CEP104: variants seen among roughly 807,000 people sequenced by gnomAD.
CEP104 encodes the protein centrosomal protein 104.
Under a neutral mutation model 113.3 loss-of-function variants are expected in CEP104, and 84 were observed. The ratio of observed to expected loss-of-function variants is 0.74; its 90% CI spans 0.62 to 0.89. The LOEUF is 0.89. CEP104 is among the 40% of genes least tolerant of loss of function. The probability of loss-of-function intolerance (pLI) is 0.00; values close to 1 mark genes in which losing one functional copy is unlikely to be tolerated. For synonymous variants in CEP104, 378 were observed against 421.7 expected, an observed-to-expected ratio of 0.90 and a Z score of 1.27; for missense variants, 1,053 against 1,156.6, an observed-to-expected ratio of 0.91 and a Z score of 1.30.
At chr1:3,855,863 G>A (rs1432239587) in intron 1 of CEP104, 1 of 978,576 alleles carries the variant, frequency 1.0e-6, no homozygotes, top group Non-Finnish European at 1.2e-6. Flanking sequence ...TTATTGGCTG[G>A]TCTTCCTCAC....
chr1:3,829,080 C>T (rs1644148139), intron 15 of CEP104, among the ~76,000 whole-genome samples, 186 bp downstream of exon 15: 2 of 152,192 alleles, frequency 1.3e-5, no homozygotes, highest in Non-Finnish European at 2.9e-5. Context: ...GAGTATCTGC[C>T]ACCCAATTCC....
chr1:3,812,336 TAATAGA>T lies in CEP104; in HGVS notation c.*3060_*3065del, dbSNP rs1643810231. ...AATGGAATATCTTAACATATGAAAA[TAATAGA>T]AATAAATATTAAATATTCAGAACAT... On this transcript the variant is annotated 3_prime_UTR_variant, in exon 22 of 22. Transcript: ENST00000378230. 1 of 152,172 alleles carries T rather than the reference TAATAGA, an allele frequency of 6.6e-6. No homozygotes were observed. The highest frequency in any genetic ancestry group is 1.5e-5 in the Non-Finnish European group (1 of 68,040). 9.4% of individuals were successfully genotyped at this position (152,172 alleles called of 1,614,324 possible).
Position 3,840,210 on chromosome 1 carries a change from G to A in CEP104, c.567-434C>T, listed in dbSNP as rs11589098. The stretch of plus-strand genomic sequence containing the variant: ...GGGCCCAAGATGGAGTCCAGGCGCC[G>A]TATTTTATAACAACACAGTATTTTT... On this transcript the variant is annotated intron_variant, in intron 6 of 21. Transcript: ENST00000378230. 6.1e-3 allele frequency among the ~76,000 whole-genome samples: 930 copies of A among 152,206 alleles called. 3 individuals are homozygous for A. The highest frequency in any genetic ancestry group is 1.0e-2 in the Non-Finnish European group (677 of 67,996).
chr1:3,833,498 C>A (rs992313326), intron 12 of CEP104, among the ~76,000 whole-genome samples: 1 of 152,104 alleles, frequency 6.6e-6, no homozygotes, highest in Non-Finnish European at 1.5e-5. Context: ...TAATATCTAG[C>A]CTAGAGGAGG....
At chr1:3,832,394 G>A (rs1195721850) in intron 12 of CEP104, among the ~76,000 whole-genome samples, 1 of 106,998 alleles carries the variant, frequency 9.3e-6, no homozygotes, top group African/African-American at 3.2e-5. Context: ...AGCGTAGGTC[G>A]TGACCAGGAG....
rs911000992 is a variant in CEP104, at chr1:3,830,807, AT to A, written c.1836+238del. On this transcript the variant is annotated intron_variant, in intron 13 of 21. Coordinates refer to ENST00000378230, the MANE Select transcript of CEP104 (RefSeq NM_014704.4). The stretch of plus-strand genomic sequence containing the variant: ...AAAAAAAAAAAAAAGACAAAGAAAT[AT>A]TTTTTATGATTTGTTTCTCTCCACA... Among the ~76,000 whole-genome samples the A allele has an allele frequency of 2.0e-5, 3 of 150,006 alleles. No individual in the cohort carries two copies. The East Asian group carries it at 5.9e-4, about 29-fold the overall frequency.
chr1:3,842,302 G>A (rs886564148), intron 6 of CEP104, among the ~76,000 whole-genome samples: 2 of 152,068 alleles, frequency 1.3e-5, no homozygotes, highest in Non-Finnish European at 2.9e-5. Flanking sequence ...GGATGGTCTC[G>A]ATCTCCTGAC....
intron 1 of CEP104, chr1:3,855,842 T>C: frequency 7.5e-6 from 7 of 937,132 alleles, no homozygotes; most frequent in Non-Finnish European, 8.9e-6. Context: ...AAAGCTCTGT[T>C]GAACATCCAG....
At chr1:3,821,395 T>C (rs1643969873) in intron 20 of CEP104, among the ~76,000 whole-genome samples, 1 of 152,244 alleles carries the variant, frequency 6.6e-6, no homozygotes, top group African/African-American at 2.4e-5. Context: ...TGGAAGATGC[T>C]AGTGACCCAG....
chr1:3,823,665 G>C lies in CEP104; in HGVS notation c.2365-103C>G. On this transcript the variant is annotated intron_variant, in intron 18 of 21. Transcript: ENST00000378230. The surrounding 1 kb of genome is among the most constrained non-coding windows in gnomAD (Gnocchi z 4.1). ...GCGCCTCCCCTGCCCAGGGAGGTCT[G>C]TGCCGCCTGCACATGAAGTAAGCCA... 2.2e-6 allele frequency: 3 copies of C among 1,388,144 alleles called. No individual in the cohort carries two copies. In the South Asian group the frequency reaches 3.7e-5, roughly 17 times the overall value. The allele number at this position is 1,388,144 out of a possible 1,614,324, so 86.0% of individuals were successfully genotyped here. A position where few individuals can be genotyped will look rare whatever the true frequency, so the allele number is the denominator to read the frequency against.
intron 1 of CEP104, among the ~76,000 whole-genome samples, chr1:3,855,609 G>A (rs373588224): frequency 6.6e-6 from 1 of 152,238 alleles, no homozygotes; most frequent in South Asian, 2.1e-4. Context: ...TTAAGAACCA[G>A]CTAAGAGAAA....
At position 3,845,370 on chromosome 1, in the gene CEP104, A is replaced by G; in HGVS notation, c.427-19T>C. 1 of 1,521,918 alleles carries G rather than the reference A, an allele frequency of 6.6e-7. No homozygotes were observed. Among genetic ancestry groups the G allele is most frequent in the Non-Finnish European group, 9.1e-7 (1 of 1,101,646 alleles). The allele number at this position is 1,521,918 out of a possible 1,614,324, so 94.3% of individuals were successfully genotyped here. Reference sequence around the variant, plus strand: ...AAGCAACCTAAGAAAGTGTTAAAATAACAGAATTAAATATACAATGTTTGA... The same window carrying G: ...AAGCAACCTAAGAAAGTGTTAAAATGACAGAATTAAATATACAATGTTTGA... On this transcript the variant is annotated intron_variant, in intron 4 of 21. Transcript: ENST00000378230.
At position 3,829,796 on chromosome 1, in the gene CEP104, T is replaced by C. The variant is rs1644164116; in HGVS notation, c.2038A>G (p.Met680Val). The change falls in exon 14 of 22, where the codon ATG becomes GTG. Residue 680 changes from methionine to valine, a missense_variant. Physicochemically the swap from Met to Val is conservative, Grantham distance 21 (BLOSUM62 1). Coordinates refer to ENST00000378230, the MANE Select transcript of CEP104 (RefSeq NM_014704.4). ...KIDGRATDAE[M>V]RARRKAATEE... ...CTTCACCAAAGTTAACTCACCCTCA[T>C]CTCAGCATCTGTAGCTCTGCCATCT... 3.7e-6 allele frequency: 6 copies of C among 1,614,028 alleles called. No homozygotes were observed. In the East Asian group the frequency reaches 1.1e-4, roughly 30 times the overall value.
intron 15 of CEP104, among the ~76,000 whole-genome samples, chr1:3,828,121 G>A (rs1359186441): frequency 4.6e-5 from 7 of 152,178 alleles, no homozygotes; most frequent in Non-Finnish European, 8.8e-5. Context: ...TGGAGCCACT[G>A]CCACCAGGTC....
chr1:3,823,506 G>C lies in CEP104; in HGVS notation c.2421C>G (p.Asp807Glu). ...EHLLTECDKK[D>E]GFGKCYRCSE... ...TGCAACGGTAACACTTTCCAAACCC[G>C]TCTTTTTTGTCACATTCCGTCAGCA... is the stretch of plus-strand genomic sequence containing the variant. The change falls in exon 19 of 22, where the codon GAC becomes GAG. Residue 807 changes from aspartate (D) to glutamate (E), a missense_variant. Asp to Glu is a conservative substitution (Grantham distance 45). Transcript: ENST00000378230. The surrounding 1 kb of genome is among the most constrained non-coding windows in gnomAD (Gnocchi z 4.1). 1 of 1,614,190 alleles carries C rather than the reference G, an allele frequency of 6.2e-7. No homozygotes were observed. Among genetic ancestry groups the C allele is most frequent in the Non-Finnish European group, 8.5e-7 (1 of 1,180,040 alleles).
chr1:3,833,389 A>G (rs1644253339), intron 12 of CEP104, among the ~76,000 whole-genome samples: 1 of 152,206 alleles, frequency 6.6e-6, no homozygotes, highest in Non-Finnish European at 1.5e-5. Flanking sequence ...GAACTCCTAG[A>G]CTAGATGAAT....
At chr1:3,818,986 T>C (rs1643921562) in intron 20 of CEP104, among the ~76,000 whole-genome samples, 1 of 152,216 alleles carries the variant, frequency 6.6e-6, no homozygotes, top group South Asian at 2.1e-4. Flanking sequence ...AATTGGGCCT[T>C]TCACATTTGA....
chr1:3,829,803 A>T lies in CEP104; in HGVS notation c.2031T>A (p.Asp677Glu). 6.2e-7 allele frequency: 1 copy of T among 1,614,142 alleles called. No individual in the cohort carries two copies. Among genetic ancestry groups the T allele is most frequent in the Non-Finnish European group, 8.5e-7 (1 of 1,179,992 alleles). ...AAAGTTAACTCACCCTCATCTCAGCATCTGTAGCTCTGCCATCTATTTTAG... is the reference window on the plus strand; with the variant it reads ...AAAGTTAACTCACCCTCATCTCAGCTTCTGTAGCTCTGCCATCTATTTTAG... The part of the protein sequence containing the change: ...GFAKIDGRAT[D>E]AEMRARRKAA... The change falls in exon 14 of 22, where the codon GAT becomes GAA. Residue 677 changes from aspartate (D) to glutamate (E), a missense_variant. Asp to Glu is a conservative substitution (Grantham distance 45, BLOSUM62 2). Coordinates refer to ENST00000378230, the MANE Select transcript of CEP104 (RefSeq NM_014704.4).
intron 5 of CEP104, 119 bp from the exon 6 acceptor site, chr1:3,845,102 GGA>G: frequency 2.1e-6 from 2 of 939,274 alleles, no homozygotes; most frequent in Non-Finnish European, 3.4e-6. Context: ...CTCATCTTTT[GGA>G]GAGACAGCTA....
Sources: gnomAD v4.1 joint callset for allele counts (sites outside exome capture counted in the v4.1 genomes callset) on GRCh38, gnomAD v4.1.1 for gene constraint, Gnocchi (gnomAD v3.1) non-coding constraint, MANE v1.5 for transcripts, NCBI Gene and HGNC (gene_info 2026-07-23, HGNC 2026-07-21) for gene names.